Variants in NALF1 observed in about 807,000 individuals in gnomAD.
NALF1 encodes NALCN channel auxiliary factor 1, also known as family with sequence similarity 155 member A.
NALF1 carries 3 observed loss-of-function variants against 48.4 expected under a neutral mutation model. The observed-to-expected ratio is 0.06, with a 90% CI of 0.03 to 0.16. The LOEUF (loss-of-function observed/expected upper bound fraction) is 0.16. Among genes scored for constraint, NALF1 ranks in the 10% least tolerant of loss-of-function variants. NALF1 has a pLI of 1.00. For missense variants in NALF1, 526 were observed against 571.5 expected (o/e 0.92, Z 0.81); for synonymous variants, 262 against 245.7 (o/e 1.07, Z -0.62).
intron 1 of NALF1, among the ~76,000 whole-genome samples, chr13:107,281,426 T>G (rs1594102487): frequency 6.6e-6 from 1 of 152,272 alleles, no homozygotes; most frequent in Non-Finnish European, 1.5e-5. Context: ...GGGGAAAATA[T>G]TTCAAGGAGA....
intron 1 of NALF1, among the ~76,000 whole-genome samples, chr13:107,666,132 T>C (rs1880852917): frequency 6.6e-6 from 1 of 152,156 alleles, no homozygotes; most frequent in Non-Finnish European, 1.5e-5. Context: ...GAAGAAGGAC[T>C]CTGTGGTGAA....
At chr13:107,359,682 A>C (rs934416107) in intron 1 of NALF1, among the ~76,000 whole-genome samples, 1 of 151,424 alleles carries the variant, frequency 6.6e-6, no homozygotes, top group African/African-American at 2.4e-5. Context: ...GGAACCAAAT[A>C]AAAAATGTTG....
intron 1 of NALF1, among the ~76,000 whole-genome samples, chr13:107,846,559 G>A (rs1033230160): frequency 6.6e-6 from 1 of 152,188 alleles, no homozygotes; most frequent in African/African-American, 2.4e-5. Context: ...TAAAGTAAAT[G>A]TGTAATGAGG....
chr13:107,846,280 G>A (rs1430820989), intron 1 of NALF1, among the ~76,000 whole-genome samples: 1 of 152,180 alleles, frequency 6.6e-6, no homozygotes, highest in Admixed American at 6.5e-5. Flanking sequence ...TCTAGATAGA[G>A]ACTGTTCTGT....
chr13:107,703,924 T>C (rs1261403352), intron 1 of NALF1, among the ~76,000 whole-genome samples: 1 of 152,168 alleles, frequency 6.6e-6, no homozygotes, highest in Non-Finnish European at 1.5e-5. Flanking sequence ...AAACATTTAT[T>C]TGATATTTTA....
intron 1 of NALF1, among the ~76,000 whole-genome samples, chr13:107,650,310 A>G (rs763309403): frequency 1.3e-5 from 2 of 149,358 alleles, no homozygotes; most frequent in Non-Finnish European, 3.0e-5. Flanking sequence ...TGCGCCACCT[A>G]GTGGCTGCGA....
intron 1 of NALF1, among the ~76,000 whole-genome samples, chr13:107,418,896 T>C (rs1218999069): frequency 2.0e-5 from 3 of 152,238 alleles, no homozygotes; most frequent in African/African-American, 4.8e-5. Flanking sequence ...CTTAACTTTG[T>C]TCCAGAAAAT....
In NALF1 at chr13:107,819,484, C is replaced by G. The variant is rs146166089; in HGVS notation, c.915+46198G>C. Among the ~76,000 whole-genome samples the G allele has an allele frequency of 2.5e-4, 38 of 152,300 alleles. 1 individual carries two copies. Among genetic ancestry groups the G allele is most frequent in the African/African-American group, 9.1e-4 (38 of 41,560 alleles). On this transcript the variant is annotated intron_variant, in intron 1 of 2. Transcript: ENST00000375915. ...GTGGGACGCCCCATGCTCTACACAC[C>G]TGAAAGCTATTTTATAAACTTTGGC...
chr13:107,305,672 AG>A (rs1450155999), intron 1 of NALF1, among the ~76,000 whole-genome samples: 1 of 152,258 alleles, frequency 6.6e-6, no homozygotes, highest in Admixed American at 6.5e-5. Context: ...AGCCATAAAA[AG>A]GAATGAAGTG....
intron 1 of NALF1, among the ~76,000 whole-genome samples, chr13:107,763,512 C>A (rs372477865): frequency 6.7e-6 from 1 of 148,488 alleles, no homozygotes. Flanking sequence ...CAGTTCACTG[C>A]AGATAAAAAT....
At chr13:107,327,480 T>C (rs914078995) in intron 1 of NALF1, among the ~76,000 whole-genome samples, 2 of 152,236 alleles carry the variant, frequency 1.3e-5, no homozygotes, top group African/African-American at 4.8e-5. Flanking sequence ...TAGACTGTCA[T>C]TCACATTATT....
At chr13:107,715,485 A>G (rs1221515454) in intron 1 of NALF1, among the ~76,000 whole-genome samples, 1 of 152,150 alleles carries the variant, frequency 6.6e-6, no homozygotes, top group Non-Finnish European at 1.5e-5. Context: ...TATAGGCGTG[A>G]GCCACCGTCC....
chr13:107,666,316 T>C (rs1880856885), intron 1 of NALF1, among the ~76,000 whole-genome samples: 1 of 152,168 alleles, frequency 6.6e-6, no homozygotes, highest in African/African-American at 2.4e-5. Context: ...ACTTTTGCTT[T>C]GACTGAAACA....
At chr13:107,241,993 G>A (rs925588567) in intron 1 of NALF1, among the ~76,000 whole-genome samples, 2 of 152,136 alleles carry the variant, frequency 1.3e-5, no homozygotes, top group African/African-American at 4.8e-5. Context: ...GCTGACTCTA[G>A]ATGATATTGG....
intron 1 of NALF1, among the ~76,000 whole-genome samples, chr13:107,750,310 G>A (rs991269912): frequency 3.3e-5 from 5 of 152,058 alleles, no homozygotes; most frequent in African/African-American, 4.8e-5. Context: ...CTGTCAAAGC[G>A]AGTGTCTATC....
intron 1 of NALF1, among the ~76,000 whole-genome samples, chr13:107,583,243 AAGATTTACAATG>A (rs1878363277): frequency 6.6e-6 from 1 of 152,048 alleles, no homozygotes; most frequent in Non-Finnish European, 1.5e-5. Context: ...TATAAATTTT[AAGATTTACAATG>A]CATATGTATT....
chr13:107,269,032 G>A (rs1207622125), intron 1 of NALF1, among the ~76,000 whole-genome samples: 4 of 152,072 alleles, frequency 2.6e-5, no homozygotes, highest in Non-Finnish European at 4.4e-5. Flanking sequence ...GAGTGGTGGT[G>A]CACGCCTGTG....
intron 1 of NALF1, among the ~76,000 whole-genome samples, chr13:107,440,440 T>C (rs1884538153): frequency 6.6e-6 from 1 of 152,204 alleles, no homozygotes; most frequent in Non-Finnish European, 1.5e-5. Flanking sequence ...CCTTCATTTA[T>C]TCAACAAATA....
chr13:107,790,487 AT>A (rs1157962089), intron 1 of NALF1, among the ~76,000 whole-genome samples: 1 of 152,202 alleles, frequency 6.6e-6, no homozygotes, highest in Non-Finnish European at 1.5e-5. Context: ...TCATTTACCC[AT>A]CATCTCCTAT....
Sources: allele counts gnomAD v4.1 joint callset (sites outside exome capture counted in the v4.1 genomes callset), GRCh38; gene constraint gnomAD v4.1.1; transcripts MANE v1.5; gene names NCBI Gene and HGNC (gene_info 2026-07-23, HGNC 2026-07-21).